ZEB1: variants seen among roughly 807,000 people sequenced by gnomAD.
The protein encoded by ZEB1 is zinc finger E-box binding homeobox 1, also known as zinc finger E-box-binding homeobox 1.
In ZEB1, 21 loss-of-function variants were observed where a neutral mutation model predicts 84.9. The ratio of observed to expected loss-of-function variants is 0.25; its 90% CI spans 0.18 to 0.36. The LOEUF is 0.36. Among genes scored for constraint, ZEB1 ranks in the 10% least tolerant of loss-of-function variants. The pLI, the probability that ZEB1 is intolerant of heterozygous loss-of-function variation, is 1.00. For missense variants in ZEB1, 1,104 were observed against 1,330.2 expected (o/e 0.83, Z 2.65); for synonymous variants, 420 against 471.1 (o/e 0.89, Z 1.41).
At position 31,521,108 on chromosome 10, in the gene ZEB1, C is replaced by T. The variant is rs371536001; in HGVS notation, c.1776C>T (p.Asn592=). Reference sequence around the variant, plus strand: ...CTCCTAGTCAGCCACCTTTAAAGAACCTCTTGTCTCTCCTAAAAGCATATT... The same window carrying T: ...CTCCTAGTCAGCCACCTTTAAAGAATCTCTTGTCTCTCCTAAAAGCATATT... ...NLSPSQPPLK[N]LLSLLKAYYA... is the part of the protein sequence containing the mutation. Residue 592 remains asparagine (N), a synonymous_variant, in exon 7 of 9, where the codon AAC becomes AAT. Coordinates refer to ENST00000424869, the MANE Select transcript of ZEB1 (RefSeq NM_001174096.2). 6.2e-6 allele frequency: 10 copies of T among 1,613,948 alleles called. No individual in the cohort carries two copies. Among genetic ancestry groups the T allele is most frequent in the Admixed American group, 1.7e-5 (1 of 59,994 alleles).
At chr10:31,509,802 G>C (rs979362757) in intron 4 of ZEB1, among the ~76,000 whole-genome samples, 3 of 152,194 alleles carry the variant, frequency 2.0e-5, no homozygotes, top group African/African-American at 7.2e-5. Context: ...TTGAAGAAAT[G>C]TCAAATATGG....
At chr10:31,481,974 A>G (rs2065098350) in intron 2 of ZEB1, among the ~76,000 whole-genome samples, 1 of 152,086 alleles carries the variant, frequency 6.6e-6, no homozygotes, top group African/African-American at 2.4e-5. Flanking sequence ...CTATCAATGG[A>G]TATTAAAATA....
intron 1 of ZEB1, among the ~76,000 whole-genome samples, chr10:31,424,226 A>G (rs1278095564): frequency 1.3e-5 from 2 of 152,042 alleles, no homozygotes; most frequent in African/African-American, 4.8e-5. Flanking sequence ...TGCCATCATC[A>G]GTGAGACTAT....
At chr10:31,329,861 T>C (rs1289684994) in intron 1 of ZEB1, among the ~76,000 whole-genome samples, 3 of 152,220 alleles carry the variant, frequency 2.0e-5, no homozygotes, top group African/African-American at 7.2e-5. Context: ...GTGAACTGTC[T>C]GTTCAAATAA....
At chr10:31,376,920 C>A (rs1315396811) in intron 1 of ZEB1, among the ~76,000 whole-genome samples, 2 of 151,428 alleles carry the variant, frequency 1.3e-5, no homozygotes, top group Admixed American at 6.6e-5. Context: ...AAAATACATA[C>A]AATATATATT....
intron 4 of ZEB1, 99 bp from the exon 5 acceptor site, chr10:31,510,574 G>T (rs939639251): frequency 1.1e-6 from 1 of 915,898 alleles, no homozygotes; most frequent in Admixed American, 2.0e-5. Context: ...TATAAAGTGG[G>T]TAGCACAATA....
chr10:31,393,561 G>C (rs2050173528), intron 1 of ZEB1, among the ~76,000 whole-genome samples: 1 of 152,002 alleles, frequency 6.6e-6, no homozygotes, highest in African/African-American at 2.4e-5. Context: ...ATATTTTTGT[G>C]ACTTCTCATT....
intron 2 of ZEB1, among the ~76,000 whole-genome samples, chr10:31,477,152 C>T (rs977575035): frequency 1.3e-5 from 2 of 151,914 alleles, no homozygotes; most frequent in African/African-American, 4.8e-5. Flanking sequence ...GCCCCCATAC[C>T]TAGAAAATCC....
At position 31,402,466 on chromosome 10, in the gene ZEB1, CCTGA is replaced by C. The variant is rs1200561573; in HGVS notation, c.59-58566_59-58563del. Among the ~76,000 whole-genome samples, 8 of 151,984 alleles carry C rather than the reference CCTGA, an allele frequency of 5.3e-5. No homozygotes were observed. The East Asian group carries it at 1.5e-3, about 29-fold the overall frequency. The stretch of plus-strand genomic sequence containing the variant: ...ATGATGAGTTTAGTTTGAAAGGAAG[CCTGA>C]CTGAGTGGACACAGCCCCTGATTGA... On this transcript the variant is annotated intron_variant, in intron 1 of 8. Coordinates refer to ENST00000424869, the MANE Select transcript of ZEB1 (RefSeq NM_001174096.2).
At chr10:31,412,491 T>A (rs2054491969) in intron 1 of ZEB1, among the ~76,000 whole-genome samples, 2 of 152,148 alleles carry the variant, frequency 1.3e-5, no homozygotes, top group South Asian at 4.1e-4. Context: ...TTCCTACCTA[T>A]GAGTGAGAAC....
chr10:31,328,264 G>A (rs1222312459), intron 1 of ZEB1, among the ~76,000 whole-genome samples: 1 of 152,154 alleles, frequency 6.6e-6, no homozygotes, highest in African/African-American at 2.4e-5. Flanking sequence ...GCAGTTAAGA[G>A]TTTGGGTTGA....
intron 1 of ZEB1, among the ~76,000 whole-genome samples, chr10:31,344,029 G>A (rs186298596): frequency 1.3e-5 from 2 of 152,124 alleles, no homozygotes; most frequent in Non-Finnish European, 2.9e-5. Flanking sequence ...GCTAAGTGTA[G>A]GTGGACTTTC....
At chr10:31,369,099 T>A (rs2045186232) in intron 1 of ZEB1, among the ~76,000 whole-genome samples, 1 of 152,190 alleles carries the variant, frequency 6.6e-6, no homozygotes, top group Non-Finnish European at 1.5e-5. Context: ...ATATTTTTGA[T>A]TGACCAATCA....
chr10:31,519,840 T>C (rs2071923391), intron 6 of ZEB1, among the ~76,000 whole-genome samples: 1 of 152,170 alleles, frequency 6.6e-6, no homozygotes, highest in African/African-American at 2.4e-5. Flanking sequence ...CTTTTGATAC[T>C]TGAGAATTAT....
chr10:31,470,170 A>G (rs926188892), intron 2 of ZEB1, among the ~76,000 whole-genome samples: 1 of 152,254 alleles, frequency 6.6e-6, no homozygotes, highest in African/African-American at 2.4e-5. Context: ...CCTCCTCCAA[A>G]GGAACGCAAT....
At chr10:31,388,314 C>T (rs117732668) in intron 1 of ZEB1, among the ~76,000 whole-genome samples, 1 of 152,072 alleles carries the variant, frequency 6.6e-6, no homozygotes, top group Non-Finnish European at 1.5e-5. Flanking sequence ...TTTCTTAAAG[C>T]TCTTAAAGTG....
At chr10:31,418,494 G>A (rs1388949260) in intron 1 of ZEB1, among the ~76,000 whole-genome samples, 7 of 152,100 alleles carry the variant, frequency 4.6e-5, no homozygotes, top group Admixed American at 4.6e-4. Flanking sequence ...CTTAACAGTA[G>A]AATTCTTAAG....
chr10:31,506,232 A>T (rs990017541), intron 4 of ZEB1, among the ~76,000 whole-genome samples: 5 of 152,062 alleles, frequency 3.3e-5, no homozygotes, highest in Non-Finnish European at 7.4e-5. Flanking sequence ...TGACAAGAAT[A>T]TGTATCCTTT....
intron 1 of ZEB1, among the ~76,000 whole-genome samples, chr10:31,335,792 T>A (rs2037891551): frequency 6.6e-6 from 1 of 152,154 alleles, no homozygotes; most frequent in Admixed American, 6.5e-5. Flanking sequence ...CAAACAAAGA[T>A]ACAATGATTA....
Sources: allele counts gnomAD v4.1 joint callset (sites outside exome capture counted in the v4.1 genomes callset), GRCh38; gene constraint gnomAD v4.1.1; transcripts MANE v1.5; gene names NCBI Gene and HGNC (gene_info 2026-07-23, HGNC 2026-07-21).